The following CNTRL variants were observed in gnomAD, a reference collection of about 807,000 sequenced individuals.
The protein encoded by CNTRL is 110 kDa centrosomal protein.
A neutral mutation model predicts 303.7 loss-of-function variants in CNTRL; 233 were observed. The ratio of observed to expected loss-of-function variants is 0.77; its 90% CI spans 0.69 to 0.86. The LOEUF (loss-of-function observed/expected upper bound fraction) is 0.86. Ranked by LOEUF, CNTRL falls within the 40% of genes least tolerant of loss-of-function variation. The pLI, the probability that CNTRL is intolerant of heterozygous loss-of-function variation, is 0.00. For missense variants in CNTRL, 2,524 were observed against 2,650.6 expected (o/e 0.95, Z 1.05); for synonymous variants, 900 against 922.2 (o/e 0.98, Z 0.44).
At chr9:121,174,220 C>T (rs2053432277) in intron 42 of CNTRL, among the ~76,000 whole-genome samples, 1 of 152,044 alleles carries the variant, frequency 6.6e-6, no homozygotes, top group South Asian at 2.1e-4. Context: ...GATTACTGAT[C>T]AGTGTTGACC....
At chr9:121,177,024 CACTGG>C (rs2053555165) in intron 43 of CNTRL, 134 bp from the exon 44 acceptor site, 1 of 679,516 alleles carries the variant, frequency 1.5e-6, no homozygotes, top group African/African-American at 1.9e-5. Flanking sequence ...GAATTTTGTA[CACTGG>C]TTCATCTTAA....
intron 2 of CNTRL, 88 bp downstream of exon 2, chr9:121,080,566 G>A (rs1408264053): frequency 6.6e-6 from 1 of 152,270 alleles, no homozygotes; most frequent in Non-Finnish European, 1.5e-5. Flanking sequence ...TTAAATTTTT[G>A]GAAGTAGACA....
Position 121,150,077 on chromosome 9 carries a change from T to A in CNTRL, c.3650-93T>A, listed in dbSNP as rs2052132046. 7.2e-6 allele frequency: 7 copies of A among 973,660 alleles called. No individual in the cohort carries two copies. In the South Asian group the frequency reaches 1.1e-4, roughly 15 times the overall value. The allele number at this position is 973,660 out of a possible 1,614,324, so 60.3% of individuals were successfully genotyped here. On this transcript the variant is annotated intron_variant, in intron 24 of 43. Coordinates refer to ENST00000373855, the MANE Select transcript of CNTRL (RefSeq NM_007018.6). ...CACATCTGCAGTATCTTGGCTTAAA[T>A]GCTGCTGTTCTCTACTAAATTTGTT...
In CNTRL at chr9:121,150,170, A is replaced by G. The variant is rs766624853; in HGVS notation, c.3650A>G (p.Asp1217Gly). ...SGLHKLFPSRDADSGGDSQEE... is the reference protein window; with the variant it reads ...SGLHKLFPSRGADSGGDSQEE... ...AACTCTTCTGTTTATTTCTTTGAAG[A>G]TGCAGACAGTGGAGGAGATAGTCAG... Residue 1217 changes from aspartate to glycine, a missense_variant and splice_region_variant, in exon 25 of 44, where the codon GAT (aspartate) becomes GGT (glycine). Coordinates refer to ENST00000373855, the MANE Select transcript of CNTRL (RefSeq NM_007018.6). The G allele has an allele frequency of 3.2e-5, 51 of 1,599,802 alleles. No individual in the cohort carries two copies. The highest frequency in any genetic ancestry group is 4.1e-5 in the Non-Finnish European group (48 of 1,172,448).
intron 5 of CNTRL, among the ~76,000 whole-genome samples, chr9:121,096,016 A>G (rs2048876536): frequency 6.6e-6 from 1 of 152,226 alleles, no homozygotes; most frequent in South Asian, 2.1e-4. Flanking sequence ...TAATCTTTTT[A>G]TGATAACTTA....
intron 43 of CNTRL, among the ~76,000 whole-genome samples, chr9:121,176,583 G>A (rs2053534036): frequency 6.6e-6 from 1 of 152,154 alleles, no homozygotes. Context: ...GTGCACAAGG[G>A]CTTAAAAGCC....
chr9:121,085,835 G>A (rs929891243), intron 2 of CNTRL, among the ~76,000 whole-genome samples: 7 of 152,178 alleles, frequency 4.6e-5, no homozygotes, highest in African/African-American at 1.7e-4. Context: ...GTATGTGGTG[G>A]GGAGGCCAGA....
At chr9:121,098,614 G>T in intron 7 of CNTRL, 42 bp downstream of exon 7, 2 of 1,237,488 alleles carry the variant, frequency 1.6e-6, no homozygotes, top group East Asian at 5.1e-5. Flanking sequence ...GGTGAGGGAG[G>T]AATTTATTTT....
At chr9:121,165,504 T>C (rs2053052493) in intron 35 of CNTRL, among the ~76,000 whole-genome samples, 1 of 152,214 alleles carries the variant, frequency 6.6e-6, no homozygotes, top group Admixed American at 6.5e-5. Flanking sequence ...ATGAAGATTT[T>C]AAAATTACCA....
At chr9:121,172,390 C>T (rs2053347081) in intron 40 of CNTRL, among the ~76,000 whole-genome samples, 2 of 152,110 alleles carry the variant, frequency 1.3e-5, no homozygotes, top group South Asian at 2.1e-4. Flanking sequence ...CCTGTAATCC[C>T]AGCACTTTAG....
chr9:121,160,010 C>T (rs2131725680), intron 31 of CNTRL, 133 bp from the exon 32 acceptor site: 1 of 556,478 alleles, frequency 1.8e-6, no homozygotes, highest in Non-Finnish European at 2.9e-6. Flanking sequence ...CTGTTCTTGA[C>T]ATAAAAGGCA....
chr9:121,097,465 A>G (rs2048937825), intron 6 of CNTRL, among the ~76,000 whole-genome samples: 1 of 152,202 alleles, frequency 6.6e-6, no homozygotes, highest in Non-Finnish European at 1.5e-5. Flanking sequence ...AAAACACTAA[A>G]TAAGTCTAAA....
At chr9:121,128,241 A>G (rs1218498859) in intron 14 of CNTRL, among the ~76,000 whole-genome samples, 1 of 152,168 alleles carries the variant, frequency 6.6e-6, no homozygotes, top group African/African-American at 2.4e-5. Context: ...CAAAGGTTGA[A>G]CTAGTTTACA....
chr9:121,084,660 T>C (rs1288162219), intron 2 of CNTRL, among the ~76,000 whole-genome samples: 2 of 152,072 alleles, frequency 1.3e-5, no homozygotes, highest in Non-Finnish European at 2.9e-5. Context: ...TTCTTCTGCC[T>C]TGACCTCCTG....
chr9:121,160,348 G>A (rs1459751216), intron 32 of CNTRL, 46 bp downstream of exon 32: 1 of 1,321,878 alleles, frequency 7.6e-7, no homozygotes, highest in Non-Finnish European at 9.9e-7. Context: ...GGTTGGAAAT[G>A]TCTGTATTAC....
At chr9:121,109,612 A>G (rs891409247) in intron 8 of CNTRL, among the ~76,000 whole-genome samples, 7 of 152,054 alleles carry the variant, frequency 4.6e-5, no homozygotes, top group Admixed American at 3.9e-4. Flanking sequence ...TACCTTATGC[A>G]TTCATACTAG....
At chr9:121,109,562 T>A (rs549236963) in intron 8 of CNTRL, among the ~76,000 whole-genome samples, 1 of 139,796 alleles carries the variant, frequency 7.2e-6, no homozygotes, top group South Asian at 2.8e-4. Context: ...TTAGAGACAG[T>A]ACTACAGAGA....
chr9:121,175,331 A>G (rs2053478404), intron 43 of CNTRL, 107 bp downstream of exon 43: 6 of 936,648 alleles, frequency 6.4e-6, no homozygotes, highest in Non-Finnish European at 1.0e-5. Context: ...CATTGGTACC[A>G]TCACAGCTCA....
chr9:121,129,249 G>A (rs948888848), intron 14 of CNTRL, among the ~76,000 whole-genome samples: 1 of 152,062 alleles, frequency 6.6e-6, no homozygotes, highest in East Asian at 1.9e-4. Context: ...CCATTTTCAC[G>A]GTATTGATTC....
Sources: gnomAD v4.1 joint callset for allele counts (sites outside exome capture counted in the v4.1 genomes callset) on GRCh38, gnomAD v4.1.1 for gene constraint, MANE v1.5 for transcripts, NCBI Gene and HGNC (gene_info 2026-07-23, HGNC 2026-07-21) for gene names.